Variants in ARPC3 observed in about 807,000 individuals in gnomAD.
The protein encoded by ARPC3 is actin related protein 2/3 complex subunit 3.
Under a neutral mutation model 27.6 loss-of-function variants are expected in ARPC3, and 12 were observed. The observed-to-expected ratio is 0.43, with a 90% confidence interval of 0.28 to 0.70. The LOEUF (loss-of-function observed/expected upper bound fraction) is 0.70. Ranked by LOEUF, ARPC3 falls within the 30% of genes least tolerant of loss-of-function variation. The pLI is 0.17. For missense variants in ARPC3, 153 were observed against 207.7 expected, an observed-to-expected ratio of 0.74 and a Z score of 1.62; for synonymous variants, 53 against 67.2, an observed-to-expected ratio of 0.79 and a Z score of 1.03.
chr12:110,439,832 TCAAAA>T (rs966521330), intron 3 of ARPC3, among the ~76,000 whole-genome samples: 72 of 152,304 alleles, frequency 4.7e-4, no homozygotes, highest in African/African-American at 1.6e-3. Flanking sequence ...AGACCCTGTC[TCAAAA>T]CAAAACAAAA....
At chr12:110,436,929 A>T in intron 4 of ARPC3, 155 bp downstream of exon 4, 1 of 706,664 alleles carries the variant, frequency 1.4e-6, no homozygotes, top group East Asian at 2.7e-5. Flanking sequence ...AAGTTCAGGT[A>T]ACTAAATTCA....
Position 110,450,217 on chromosome 12 carries a change from TCCCCGCTGTCTCC to T in ARPC3, c.6+25_6+37del, listed in dbSNP as rs770263239. 2.6e-5 allele frequency: 42 copies of T among 1,613,726 alleles called. No homozygotes were observed. In the African/African-American group the frequency reaches 5.6e-4, roughly 22 times the overall value. ...CACGGTTTCTCTCTGCTCTTCGCAA[TCCCCGCTGTCTCC>T]CCACACCGTGGATCGAACCCTCACC... On this transcript the variant is annotated intron_variant, in intron 1 of 6. Transcript: ENST00000228825.
chr12:110,436,886 T>C (rs1452297253), intron 4 of ARPC3, 198 bp downstream of exon 4: 12 of 660,478 alleles, frequency 1.8e-5, no homozygotes, highest in Non-Finnish European at 2.9e-5. Flanking sequence ...AAAACACCAC[T>C]ACTTTTATCT....
At chr12:110,435,969 A>G (rs2062401773) in intron 6 of ARPC3, 141 bp downstream of exon 6, 12 of 775,318 alleles carry the variant, frequency 1.5e-5, no homozygotes, top group South Asian at 1.5e-4. Context: ...CATATTACAT[A>G]CTAGACATAT....
chr12:110,442,254 T>C (rs1003823645), intron 2 of ARPC3, among the ~76,000 whole-genome samples: 1 of 152,142 alleles, frequency 6.6e-6, no homozygotes, highest in Non-Finnish European at 1.5e-5. Context: ...TCAAGACGTC[T>C]CTCAATGCAT....
Position 110,435,022 on chromosome 12 carries a change from A to G in ARPC3, c.*133T>C. The G allele has an allele frequency of 2.6e-6, 2 of 773,618 alleles. No individual in the cohort carries two copies. Among genetic ancestry groups the G allele is most frequent in the South Asian group, 1.5e-5 (1 of 68,716 alleles). The allele number at this position is 773,618 out of a possible 1,614,324, so 47.9% of individuals were successfully genotyped here. On this transcript the variant is annotated 3_prime_UTR_variant, in exon 7 of 7. Transcript: ENST00000228825. Reference sequence around the variant, plus strand: ...TTTTCTCCCACCCAAATTCTTGATCAAGAGTTTTTCAAGTAAAGACATGCT... The same window carrying G: ...TTTTCTCCCACCCAAATTCTTGATCGAGAGTTTTTCAAGTAAAGACATGCT...
intron 2 of ARPC3, among the ~76,000 whole-genome samples, chr12:110,442,190 C>A (rs1340771367): frequency 6.6e-6 from 1 of 152,030 alleles, no homozygotes; most frequent in Non-Finnish European, 1.5e-5. Flanking sequence ...TTAATTGTCA[C>A]CTTAATTCCC....
At chr12:110,441,912 A>T (rs895291048) in intron 2 of ARPC3, among the ~76,000 whole-genome samples, 7 of 151,596 alleles carry the variant, frequency 4.6e-5, no homozygotes, top group African/African-American at 1.7e-4. Flanking sequence ...GGCACCTGTA[A>T]TCCCAGCTAT....
chr12:110,440,554 GT>G (rs1331232840), intron 2 of ARPC3, 166 bp from the exon 3 acceptor site: 792 of 530,068 alleles, frequency 1.5e-3, no homozygotes, highest in Non-Finnish European at 1.6e-3. Flanking sequence ...ATATTTATTT[GT>G]TTTTTTTTTG....
At position 110,450,259 on chromosome 12, in the gene ARPC3, ATC is replaced by A. The variant is rs1451944880; in HGVS notation, c.-1_1del. The A allele has an allele frequency of 3.7e-6, 6 of 1,613,870 alleles. No homozygotes were observed. The highest frequency in any genetic ancestry group is 5.1e-6 in the Non-Finnish European group (6 of 1,179,956). Reference sequence around the variant, plus strand: ...CACCGTGGATCGAACCCTCACCGGCATCTTGGCGGCGCCCGGGTTTCAACCCA... The same window carrying A: ...CACCGTGGATCGAACCCTCACCGGCATTGGCGGCGCCCGGGTTTCAACCCA... On this transcript the variant is annotated start_lost and start_retained_variant and 5_prime_UTR_variant, in exon 1 of 7. Coordinates refer to ENST00000228825, the MANE Select transcript of ARPC3 (RefSeq NM_001278556.2).
At chr12:110,441,946 C>T (rs565259171) in intron 2 of ARPC3, among the ~76,000 whole-genome samples, 1 of 151,156 alleles carries the variant, frequency 6.6e-6, no homozygotes, top group Admixed American at 6.6e-5. Flanking sequence ...GCAGGAGAAT[C>T]GCTTGAACTC....
chr12:110,450,267 G>A lies in ARPC3; in HGVS notation c.-7C>T, dbSNP rs2062494562. On this transcript the variant is annotated 5_prime_UTR_variant, in exon 1 of 7. Transcript: ENST00000228825. ...ATCGAACCCTCACCGGCATCTTGGC[G>A]GCGCCCGGGTTTCAACCCAGAGGAG... The A allele has an allele frequency of 3.7e-6, 6 of 1,613,958 alleles. No individual in the cohort carries two copies. Among genetic ancestry groups the A allele is most frequent in the African/African-American group, 1.3e-5 (1 of 74,942 alleles).
At chr12:110,438,024 AGT>A (rs1289405402) in intron 3 of ARPC3, among the ~76,000 whole-genome samples, 3 of 151,950 alleles carry the variant, frequency 2.0e-5, no homozygotes, top group Non-Finnish European at 4.4e-5. Context: ...GGCCAGGTGC[AGT>A]GGCTTATGCC....
chr12:110,445,409 G>T, intron 2 of ARPC3, 43 bp downstream of exon 2: 1 of 1,382,016 alleles, frequency 7.2e-7, no homozygotes, highest in Non-Finnish European at 1.0e-6. Context: ...AAGATTGTTA[G>T]GCATTTCGTA....
Position 110,440,328 on chromosome 12 carries a change from T to C in ARPC3, c.167A>G (p.Lys56Arg), listed in dbSNP as rs1284559738. 6.2e-7 allele frequency: 1 copy of C among 1,607,516 alleles called. No individual in the cohort carries two copies. Among genetic ancestry groups the C allele is most frequent in the Admixed American group, 1.7e-5 (1 of 59,980 alleles). ...GTAATTTACCTTAATTTCATAGTTT[T>C]TGAAGAAGACATTGGCCTTGAAGTA... The part of the protein sequence containing the change: ...IYYFKANVFF[K>R]NYEIKNEADR... The change falls in exon 3 of 7, where the codon AAA becomes AGA. Residue 56 changes from lysine to arginine, a missense_variant. Physicochemically the swap from Lys to Arg is conservative, Grantham distance 26. Transcript: ENST00000228825.
At chr12:110,449,133 T>C (rs2062484429) in intron 1 of ARPC3, among the ~76,000 whole-genome samples, 1 of 152,166 alleles carries the variant, frequency 6.6e-6, no homozygotes, top group Non-Finnish European at 1.5e-5. Context: ...GTATCTCCTT[T>C]ATTATGTTTA....
chr12:110,436,699 T>TATATATATATACACACACA lies in ARPC3; in HGVS notation c.253-17_253-16insTGTGTGTGTATATATATAT. The TATATATATATACACACACA allele has an allele frequency of 1.6e-6, 1 of 633,902 alleles. No individual in the cohort carries two copies. The allele number at this position is 633,902 out of a possible 1,614,324, so 39.3% of individuals were successfully genotyped here. On this transcript the variant is annotated splice_polypyrimidine_tract_variant and intron_variant, in intron 4 of 6. Transcript: ENST00000228825. ...TGGAATTGCACTGGAAAAAAAAATA[T>TATATATATATACACACACA]ATATATATATATACACACACACACA... is the stretch of plus-strand genomic sequence containing the variant.
intron 2 of ARPC3, among the ~76,000 whole-genome samples, chr12:110,441,610 A>T (rs554994701): frequency 6.6e-6 from 1 of 152,176 alleles, no homozygotes; most frequent in African/African-American, 2.4e-5. Context: ...AACTCACCAC[A>T]GACTTGAATT....
chr12:110,447,049 T>G (rs1014237058), intron 1 of ARPC3, among the ~76,000 whole-genome samples: 2 of 152,230 alleles, frequency 1.3e-5, no homozygotes, highest in African/African-American at 4.8e-5. Flanking sequence ...GGCCAAAGTA[T>G]TTCCACTACA....
Sources: gnomAD v4.1 joint callset for allele counts (sites outside exome capture counted in the v4.1 genomes callset) on GRCh38, gnomAD v4.1.1 for gene constraint, MANE v1.5 for transcripts, NCBI Gene and HGNC (gene_info 2026-07-23, HGNC 2026-07-21) for gene names.